The following OXSR1 variants were observed in gnomAD, a reference collection of about 807,000 sequenced individuals.
OXSR1 encodes the protein oxidative stress responsive kinase 1.
Under a neutral mutation model 79.8 loss-of-function variants are expected in OXSR1, and 24 were observed. The observed-to-expected ratio is 0.30, with a 90% CI of 0.22 to 0.42. OXSR1 has a LOEUF of 0.42. Ranked by LOEUF, OXSR1 falls within the 10% of genes least tolerant of loss-of-function variation. OXSR1 has a pLI of 1.00. For missense variants in OXSR1, 430 were observed against 618.4 expected (o/e 0.70, Z 3.23); for synonymous variants, 226 against 209.2 (o/e 1.08, Z -0.69).
intron 4 of OXSR1, among the ~76,000 whole-genome samples, chr3:38,204,743 A>C (rs1033549661): frequency 4.6e-5 from 7 of 151,482 alleles, no homozygotes; most frequent in Non-Finnish European, 7.4e-5. Flanking sequence ...GAAGAAAGGA[A>C]TCTCTCCCAG....
chr3:38,227,559 AC>A (rs1702715917), intron 8 of OXSR1, among the ~76,000 whole-genome samples: 3 of 150,428 alleles, frequency 2.0e-5, no homozygotes, highest in African/African-American at 7.4e-5. Context: ...ACACACACAC[AC>A]ACACACACAC....
intron 1 of OXSR1, among the ~76,000 whole-genome samples, chr3:38,179,931 C>T (rs1439599421): frequency 6.6e-6 from 1 of 152,158 alleles, no homozygotes; most frequent in East Asian, 1.9e-4. Flanking sequence ...GCTTCACCCT[C>T]CCAAGTAGCA....
intron 8 of OXSR1, among the ~76,000 whole-genome samples, chr3:38,226,294 G>A (rs1303044602): frequency 2.6e-5 from 4 of 151,834 alleles, no homozygotes; most frequent in Non-Finnish European, 1.5e-5. Context: ...AGAAGATTTA[G>A]GTAATGCAGT....
At chr3:38,173,259 T>A (rs1367084950) in intron 1 of OXSR1, among the ~76,000 whole-genome samples, 1 of 152,182 alleles carries the variant, frequency 6.6e-6, no homozygotes, top group Non-Finnish European at 1.5e-5. Context: ...CTAAGAATAT[T>A]GGCCTCATTT....
chr3:38,221,280 CTTTTTTGTT>C (rs1296839762), intron 5 of OXSR1, among the ~76,000 whole-genome samples: 5 of 151,806 alleles, frequency 3.3e-5, no homozygotes, highest in Non-Finnish European at 7.4e-5. Context: ...TAAGCTATGT[CTTTTTTGTT>C]TTTTTTGTTT....
At chr3:38,195,675 C>G (rs1370062949) in intron 3 of OXSR1, among the ~76,000 whole-genome samples, 1 of 152,130 alleles carries the variant, frequency 6.6e-6, no homozygotes, top group Non-Finnish European at 1.5e-5. Context: ...GGGGTCATTA[C>G]TTTGATTGAG....
chr3:38,221,571 A>G lies in OXSR1; in HGVS notation c.491-7A>G, dbSNP rs373536192. 2 of 1,541,534 alleles carry G rather than the reference A, an allele frequency of 1.3e-6. No homozygotes were observed. Among genetic ancestry groups the G allele is most frequent in the South Asian group, 1.1e-5 (1 of 89,494 alleles). The stretch of plus-strand genomic sequence containing the variant: ...TTTAAATACCTTGCTGTTGTATTCT[A>G]TTTCAGACTTTGGGGTTAGTGCTTT... On this transcript the variant is annotated splice_polypyrimidine_tract_variant and splice_region_variant and intron_variant, in intron 5 of 17. Coordinates refer to ENST00000311806, the MANE Select transcript of OXSR1 (RefSeq NM_005109.3).
intron 4 of OXSR1, among the ~76,000 whole-genome samples, chr3:38,199,971 G>C (rs898103966): frequency 2.6e-5 from 4 of 152,164 alleles, no homozygotes; most frequent in Admixed American, 2.6e-4. Flanking sequence ...CTTTGCTCCT[G>C]GGTGGGGAGT....
intron 7 of OXSR1, among the ~76,000 whole-genome samples, chr3:38,224,126 A>G (rs1702642682): frequency 6.6e-6 from 1 of 152,194 alleles, no homozygotes; most frequent in Admixed American, 6.5e-5. Context: ...CAAACTCTTC[A>G]TTTTAAAACT....
chr3:38,177,644 G>C (rs1701698704), intron 1 of OXSR1, among the ~76,000 whole-genome samples: 1 of 151,966 alleles, frequency 6.6e-6, no homozygotes, highest in South Asian at 2.1e-4. Flanking sequence ...GAGTGCAGTG[G>C]TGTGAACATG....
At chr3:38,233,275 TA>T (rs1312114211) in intron 10 of OXSR1, among the ~76,000 whole-genome samples, 1 of 152,196 alleles carries the variant, frequency 6.6e-6, no homozygotes, top group Non-Finnish European at 1.5e-5. Flanking sequence ...ACATAAACAT[TA>T]AGGCTTATTA....
chr3:38,169,661 A>G (rs1701538362), intron 1 of OXSR1, among the ~76,000 whole-genome samples: 1 of 149,950 alleles, frequency 6.7e-6, no homozygotes, highest in African/African-American at 2.5e-5. Context: ...ATGTGTATTC[A>G]TTCTGGGTAT....
chr3:38,177,340 G>A (rs772229180), intron 1 of OXSR1, among the ~76,000 whole-genome samples: 10 of 152,118 alleles, frequency 6.6e-5, no homozygotes, highest in Non-Finnish European at 1.5e-4. Context: ...GAGAGGGAGG[G>A]AACTTAATGG....
chr3:38,191,208 G>A (rs1701975189), intron 3 of OXSR1, among the ~76,000 whole-genome samples: 1 of 151,378 alleles, frequency 6.6e-6, no homozygotes, highest in Non-Finnish European at 1.5e-5. Flanking sequence ...ACCATGCTCA[G>A]TTACTTTTAT....
intron 3 of OXSR1, chr3:38,193,544 T>G: frequency 2.1e-6 from 1 of 475,110 alleles, no homozygotes; most frequent in South Asian, 1.8e-5. Flanking sequence ...GGGAATAAAT[T>G]GTCTGCTTAA....
chr3:38,179,719 C>T (rs1701745421), intron 1 of OXSR1, among the ~76,000 whole-genome samples: 1 of 152,200 alleles, frequency 6.6e-6, no homozygotes, highest in African/African-American at 2.4e-5. Context: ...CTGCAGGACC[C>T]TCATTGTGTG....
At chr3:38,168,641 G>A (rs1701514175) in intron 1 of OXSR1, among the ~76,000 whole-genome samples, 1 of 152,100 alleles carries the variant, frequency 6.6e-6, no homozygotes, top group Non-Finnish European at 1.5e-5. Context: ...CATCATTCCA[G>A]AAAGATGCCT....
In OXSR1 at chr3:38,224,694, C is replaced by A. The variant is rs1396522157; in HGVS notation, c.826C>A (p.Pro276Thr). ...GATTTCATTGTGCCTTCAAAAAGAT[C>A]CAGAAAAAAGGTAAAATATGAGAAA... ...KMISLCLQKD[P>T]EKRPTAAELL... The change falls in exon 8 of 18, where the codon CCA becomes ACA. Residue 276 changes from proline (P) to threonine (T), a missense_variant. This residue lies in a region of OXSR1 where 276 missense variants were observed against 354.2 expected (regional missense o/e 0.78). Transcript: ENST00000311806. The A allele has an allele frequency of 1.9e-6, 3 of 1,556,564 alleles. No homozygotes were observed. The highest frequency in any genetic ancestry group is 2.4e-5 in the South Asian group (2 of 83,122).
chr3:38,240,574 C>G (rs1453355780), intron 11 of OXSR1, among the ~76,000 whole-genome samples: 1 of 151,992 alleles, frequency 6.6e-6, no homozygotes, highest in Non-Finnish European at 1.5e-5. Flanking sequence ...ATAATGGTCT[C>G]TAATACCATT....
Sources: gnomAD v4.1 joint callset for allele counts (sites outside exome capture counted in the v4.1 genomes callset) on GRCh38, gnomAD v4.1.1 for gene constraint, gnomAD v4.1.1 regional missense constraint, MANE v1.5 for transcripts, NCBI Gene and HGNC (gene_info 2026-07-23, HGNC 2026-07-21) for gene names.